ATG10: variants seen among roughly 807,000 people sequenced by gnomAD.
ATG10 encodes the protein autophagy related 10.
A neutral mutation model predicts 32.1 loss-of-function variants in ATG10; 30 were observed. The observed-to-expected ratio is 0.94, with a 90% CI of 0.70 to 1.27. The LOEUF is 1.27. Ranked by LOEUF, ATG10 falls within the 50% of genes most tolerant of loss-of-function variation. ATG10 has a pLI of 0.00. For synonymous variants in ATG10, 87 were observed against 91.5 expected, an observed-to-expected ratio of 0.95 and a Z score of 0.28; for missense variants, 233 against 262.3, an observed-to-expected ratio of 0.89 and a Z score of 0.77.
At chr5:82,064,922 A>G (rs1171692343) in intron 3 of ATG10, among the ~76,000 whole-genome samples, 1 of 152,190 alleles carries the variant, frequency 6.6e-6, no homozygotes, top group Admixed American at 6.6e-5. Flanking sequence ...TCACTTTATT[A>G]TGAGGAAACT....
chr5:82,091,611 A>G lies in ATG10; in HGVS notation c.216+33009A>G, dbSNP rs1764889269. On this transcript the variant is annotated intron_variant, in intron 3 of 7. Coordinates refer to ENST00000282185, the MANE Select transcript of ATG10 (RefSeq NM_031482.5). ...TAATCTTACTATTATAGTGATTTCC[A>G]TAAAATATCCTCTTGCAGATTTCAC... Among the ~76,000 whole-genome samples the G allele has an allele frequency of 3.3e-5, 5 of 152,172 alleles. No homozygotes were observed. In the South Asian group the frequency reaches 6.2e-4, roughly 19 times the overall value.
intron 3 of ATG10, among the ~76,000 whole-genome samples, chr5:82,065,900 G>GT (rs1190798385): frequency 2.4e-4 from 36 of 148,110 alleles, no homozygotes; most frequent in Admixed American, 3.4e-4. Context: ...CTAAACTTAA[G>GT]TTTTTTTTTT....
chr5:82,110,755 G>C (rs1014350816), intron 3 of ATG10, among the ~76,000 whole-genome samples: 2 of 152,022 alleles, frequency 1.3e-5, no homozygotes, highest in Non-Finnish European at 2.9e-5. Context: ...TAGGTTGCCT[G>C]TTCACTCTGA....
intron 2 of ATG10, among the ~76,000 whole-genome samples, chr5:82,030,992 T>A (rs1318242837): frequency 6.6e-6 from 1 of 152,214 alleles, no homozygotes; most frequent in East Asian, 1.9e-4. Flanking sequence ...TCATTATTAT[T>A]ATTATTATCA....
In ATG10 at chr5:82,031,977, C is replaced by T. The variant is rs181938899; in HGVS notation, c.109-26518C>T. On this transcript the variant is annotated intron_variant, in intron 2 of 7. Transcript: ENST00000282185. ...CCTGCTGCTTGGAATGCTCTCTTTGCCTACGCTGGCAGGGCTGGGCCTGCC... is the reference window on the plus strand; with the variant it reads ...CCTGCTGCTTGGAATGCTCTCTTTGTCTACGCTGGCAGGGCTGGGCCTGCC... Among the ~76,000 whole-genome samples the T allele has an allele frequency of 1.4e-4, 22 of 152,346 alleles. No individual in the cohort carries two copies. The East Asian group carries it at 4.2e-3, about 29-fold the overall frequency.
At chr5:81,984,001 C>T (rs962741842) in intron 1 of ATG10, among the ~76,000 whole-genome samples, 11 of 152,198 alleles carry the variant, frequency 7.2e-5, no homozygotes, top group East Asian at 5.8e-4. Flanking sequence ...CGGGCAGAGA[C>T]GCTCCTCACT....
chr5:82,075,953 C>T (rs1299281094), intron 3 of ATG10, among the ~76,000 whole-genome samples: 2 of 152,066 alleles, frequency 1.3e-5, no homozygotes, highest in African/African-American at 2.4e-5. Context: ...ACAACAACAA[C>T]AACAACAAAA....
chr5:82,084,014 C>T (rs1008818065), intron 3 of ATG10, among the ~76,000 whole-genome samples: 3 of 152,260 alleles, frequency 2.0e-5, no homozygotes, highest in South Asian at 2.1e-4. Context: ...TTCAGACGAT[C>T]GGTAATAACA....
chr5:82,156,770 T>G (rs1767814794), intron 3 of ATG10, among the ~76,000 whole-genome samples: 2 of 152,236 alleles, frequency 1.3e-5, no homozygotes, highest in Admixed American at 1.3e-4. Context: ...TTTCTGATTT[T>G]CAAATCCATT....
At position 82,164,526 on chromosome 5, in the gene ATG10, CAAGCTTTTTAGGTA is replaced by C; in HGVS notation, c.346_355+4del. 6.2e-7 allele frequency: 1 copy of C among 1,611,370 alleles called. No individual in the cohort carries two copies. The highest frequency in any genetic ancestry group is 8.5e-7 in the Non-Finnish European group (1 of 1,178,424). On this transcript the variant is annotated splice_donor_variant and splice_donor_region_variant and coding_sequence_variant and intron_variant, in exon 4 of 8. Coordinates refer to ENST00000282185, the MANE Select transcript of ATG10 (RefSeq NM_031482.5). LOFTEE classifies it high-confidence loss of function. ...CAAGTGCCTGTACTTTACTTTAGGG[CAAGCTTTTTAGGTA>C]AGAACATGTCTGAAGCTAAAAGTAA... is the stretch of plus-strand genomic sequence containing the variant.
chr5:82,079,810 G>C (rs950027633), intron 3 of ATG10, among the ~76,000 whole-genome samples: 36 of 152,254 alleles, frequency 2.4e-4, no homozygotes, highest in Admixed American at 6.5e-4. Flanking sequence ...ATTGTGAATA[G>C]TGCCGTAATA....
chr5:81,974,369 C>T (rs1453046064), intron 1 of ATG10, among the ~76,000 whole-genome samples: 1 of 152,106 alleles, frequency 6.6e-6, no homozygotes, highest in Admixed American at 6.5e-5. Context: ...GGAATGGTTG[C>T]TGAAAACTGC....
At chr5:82,081,943 C>T (rs1416367890) in intron 3 of ATG10, among the ~76,000 whole-genome samples, 3 of 152,140 alleles carry the variant, frequency 2.0e-5, no homozygotes, top group African/African-American at 7.2e-5. Context: ...GTACCAGTTC[C>T]TCCTTGTACC....
intron 3 of ATG10, among the ~76,000 whole-genome samples, chr5:82,085,899 T>C (rs1042948721): frequency 6.6e-6 from 1 of 152,188 alleles, no homozygotes; most frequent in African/African-American, 2.4e-5. Context: ...CAAGTTATTT[T>C]ATTTTTATTT....
At chr5:82,230,801 A>G (rs1746338832) in intron 5 of ATG10, among the ~76,000 whole-genome samples, 1 of 151,836 alleles carries the variant, frequency 6.6e-6, no homozygotes, top group Non-Finnish European at 1.5e-5. Context: ...GGAATGATGT[A>G]AATATCCATT....
At chr5:82,066,826 A>C (rs1010573094) in intron 3 of ATG10, among the ~76,000 whole-genome samples, 5 of 152,164 alleles carry the variant, frequency 3.3e-5, no homozygotes, top group Non-Finnish European at 7.4e-5. Context: ...TAATGGAATA[A>C]ATGGTGAGCC....
At chr5:82,231,419 T>G (rs1009262265) in intron 5 of ATG10, among the ~76,000 whole-genome samples, 2 of 152,216 alleles carry the variant, frequency 1.3e-5, no homozygotes, top group Non-Finnish European at 2.9e-5. Context: ...TTTATTTGTC[T>G]CCCCTAATAC....
At chr5:82,109,428 G>C (rs1765543079) in intron 3 of ATG10, among the ~76,000 whole-genome samples, 2 of 151,912 alleles carry the variant, frequency 1.3e-5, no homozygotes, top group South Asian at 4.2e-4. Flanking sequence ...AAAGATCCCA[G>C]AGAACTCACA....
intron 1 of ATG10, among the ~76,000 whole-genome samples, chr5:81,983,426 T>C (rs1581564110): frequency 1.0e-5 from 1 of 99,034 alleles, no homozygotes. Context: ...CTCCCCCACC[T>C]CCCTCCCGGA....
Sources: allele counts gnomAD v4.1 joint callset (sites outside exome capture counted in the v4.1 genomes callset), GRCh38; gene constraint gnomAD v4.1.1; transcripts MANE v1.5; gene names NCBI Gene and HGNC (gene_info 2026-07-23, HGNC 2026-07-21).